The following CDKAL1 variants were observed in gnomAD, a reference collection of about 807,000 sequenced individuals.
The protein encoded by CDKAL1 is CDKAL1 threonylcarbamoyladenosine tRNA methylthiotransferase.
In CDKAL1, 32 loss-of-function variants were observed where a neutral mutation model predicts 68.2. That is an observed-to-expected ratio of 0.47 (90% CI 0.35 to 0.63). The LOEUF (loss-of-function observed/expected upper bound fraction) is 0.63, where lower values mean the gene tolerates loss of function less well. CDKAL1 is among the 30% of genes least tolerant of loss of function. CDKAL1 has a pLI of 0.00. For missense variants in CDKAL1, 606 were observed against 696.7 expected (o/e 0.87, Z 1.47); for synonymous variants, 234 against 244.3 (o/e 0.96, Z 0.39).
At chr6:20,704,061 C>T (rs1343934996) in intron 5 of CDKAL1, among the ~76,000 whole-genome samples, 1 of 152,124 alleles carries the variant, frequency 6.6e-6, no homozygotes, top group Non-Finnish European at 1.5e-5. Context: ...TTGATTGTTT[C>T]AGGTATTAAG....
intron 9 of CDKAL1, among the ~76,000 whole-genome samples, chr6:20,887,558 CA>C (rs988799311): frequency 6.7e-6 from 1 of 148,432 alleles, no homozygotes; most frequent in Non-Finnish European, 1.5e-5. Flanking sequence ...AAGCATTACA[CA>C]AAAAAAGTGC....
At position 20,833,327 on chromosome 6, in the gene CDKAL1, C is replaced by T. The variant is rs143763633; in HGVS notation, c.639-12748C>T. ...CTGAGTAGCAACATGCACTGTAGTT[C>T]GCACCTTTTGCTCCCTAACATTCAT... On this transcript the variant is annotated intron_variant, in intron 8 of 15. Coordinates refer to ENST00000274695, the MANE Select transcript of CDKAL1 (RefSeq NM_017774.3). 1.8e-3 allele frequency among the ~76,000 whole-genome samples: 280 copies of T among 152,184 alleles called. 2 individuals are homozygous for T. Among genetic ancestry groups the T allele is most frequent in the African/African-American group, 5.9e-3 (247 of 41,526 alleles).
At chr6:20,589,076 A>G (rs1765488314) in intron 4 of CDKAL1, among the ~76,000 whole-genome samples, 2 of 152,184 alleles carry the variant, frequency 1.3e-5, no homozygotes, top group African/African-American at 4.8e-5. Flanking sequence ...CCTGTGTGAA[A>G]TTATTGGTGG....
At chr6:20,538,193 C>T (rs1763252405) in intron 2 of CDKAL1, among the ~76,000 whole-genome samples, 1 of 150,466 alleles carries the variant, frequency 6.6e-6, no homozygotes, top group African/African-American at 2.4e-5. Context: ...CTTATTGTTT[C>T]AATACTTGTT....
chr6:21,060,979 A>C (rs745841253), intron 11 of CDKAL1, among the ~76,000 whole-genome samples: 1 of 152,162 alleles, frequency 6.6e-6, no homozygotes, highest in Non-Finnish European at 1.5e-5. Context: ...ATGAAGTAGA[A>C]TTATTATTTT....
chr6:20,957,060 G>C (rs79827477), intron 10 of CDKAL1, among the ~76,000 whole-genome samples: 1 of 149,556 alleles, frequency 6.7e-6, no homozygotes, highest in Non-Finnish European at 1.5e-5. Context: ...TGACAGTCTT[G>C]CTGTGTTTGC....
chr6:20,963,201 G>A (rs574386165), intron 10 of CDKAL1, among the ~76,000 whole-genome samples: 1 of 152,112 alleles, frequency 6.6e-6, no homozygotes, highest in Admixed American at 6.5e-5. Flanking sequence ...AAATTGAAAT[G>A]CTACTTCCCC....
intron 9 of CDKAL1, among the ~76,000 whole-genome samples, chr6:20,942,388 A>T (rs1332997642): frequency 4.5e-4 from 57 of 127,460 alleles, no homozygotes; most frequent in African/African-American, 1.6e-3. Context: ...TTTTTTTGAG[A>T]TGGAGTTTCG....
chr6:21,196,766 G>C (rs7748091), intron 13 of CDKAL1, among the ~76,000 whole-genome samples: 46,064 of 151,988 alleles, frequency 0.3, 8,160 homozygotes, highest in African/African-American at 0.49. Context: ...TAATTTGGGG[G>C]GGTCATAATT....
At chr6:20,649,705 C>A (rs1051731129) in intron 5 of CDKAL1, among the ~76,000 whole-genome samples, 1 of 152,116 alleles carries the variant, frequency 6.6e-6, no homozygotes. Context: ...AGCTATTTAT[C>A]CTGATGCTCT....
At chr6:21,126,656 G>A (rs7750839) in intron 13 of CDKAL1, among the ~76,000 whole-genome samples, 34,871 of 151,936 alleles carry the variant, frequency 0.23, 4,604 homozygotes, top group African/African-American at 0.36. Context: ...AATTGCAGAC[G>A]TGAGCTTGCC....
chr6:21,213,049 C>G (rs62404548), intron 15 of CDKAL1, among the ~76,000 whole-genome samples: 1 of 152,152 alleles, frequency 6.6e-6, no homozygotes, highest in Non-Finnish European at 1.5e-5. Context: ...GCCCCTGGCT[C>G]CCAGGGCTTC....
At chr6:20,971,238 A>G (rs1477601638) in intron 10 of CDKAL1, among the ~76,000 whole-genome samples, 1 of 152,204 alleles carries the variant, frequency 6.6e-6, no homozygotes, top group Non-Finnish European at 1.5e-5. Context: ...GAGTTCCACA[A>G]TTACTGTCTT....
At chr6:20,748,035 C>T (rs1005836059) in intron 6 of CDKAL1, among the ~76,000 whole-genome samples, 1 of 152,118 alleles carries the variant, frequency 6.6e-6, no homozygotes. Flanking sequence ...GTGTAGTATA[C>T]AGATTCAATG....
chr6:20,907,330 G>A (rs1217674153), intron 9 of CDKAL1, among the ~76,000 whole-genome samples: 1 of 152,202 alleles, frequency 6.6e-6, no homozygotes, highest in East Asian at 1.9e-4. Flanking sequence ...ACTGAGGCAG[G>A]AGAATCGCTT....
chr6:20,674,627 A>G (rs1289317020), intron 5 of CDKAL1, among the ~76,000 whole-genome samples: 3 of 152,168 alleles, frequency 2.0e-5, no homozygotes. Flanking sequence ...TAAAATATAC[A>G]ATAGATTAGT....
chr6:20,779,219 G>A (rs987781796), intron 7 of CDKAL1, among the ~76,000 whole-genome samples: 12 of 152,274 alleles, frequency 7.9e-5, no homozygotes, highest in Admixed American at 3.3e-4. Flanking sequence ...GACTGCTTTC[G>A]TAAGCAGTTG....
At chr6:20,572,284 T>C (rs1280478740) in intron 4 of CDKAL1, among the ~76,000 whole-genome samples, 1 of 152,190 alleles carries the variant, frequency 6.6e-6, no homozygotes, top group East Asian at 1.9e-4. Context: ...TGCTTAAGTT[T>C]CAAGGCTACC....
chr6:20,635,125 A>G (rs1767846752), intron 4 of CDKAL1, among the ~76,000 whole-genome samples: 2 of 152,328 alleles, frequency 1.3e-5, no homozygotes, highest in South Asian at 4.1e-4. Context: ...TCTCAAATCC[A>G]ATTCTCTGAC....
Sources: allele counts gnomAD v4.1 joint callset (sites outside exome capture counted in the v4.1 genomes callset), GRCh38; gene constraint gnomAD v4.1.1; transcripts MANE v1.5; gene names NCBI Gene and HGNC (gene_info 2026-07-23, HGNC 2026-07-21).